RHBDD1: variants seen among roughly 807,000 people sequenced by gnomAD.
RHBDD1 encodes rhomboid domain containing 1, also known as rhomboid-related protein 4.
In RHBDD1, 38 loss-of-function variants were observed where a neutral mutation model predicts 36.3. The observed-to-expected ratio is 1.05, with a 90% CI of 0.81 to 1.37. RHBDD1 has a LOEUF of 1.37. Ranked by LOEUF, RHBDD1 falls within the 40% of genes most tolerant of loss-of-function variation. RHBDD1 has a pLI of 0.00. For synonymous variants in RHBDD1, 151 were observed against 136.5 expected, an observed-to-expected ratio of 1.11 and a Z score of -0.74; for missense variants, 393 against 377.6, an observed-to-expected ratio of 1.04 and a Z score of -0.34.
intron 5 of RHBDD1, among the ~76,000 whole-genome samples, chr2:226,881,080 G>A (rs1391183033): frequency 6.6e-6 from 1 of 152,160 alleles, no homozygotes; most frequent in Non-Finnish European, 1.5e-5. Flanking sequence ...GAAGGTGAAG[G>A]GGAAGCAAGG....
intron 5 of RHBDD1, among the ~76,000 whole-genome samples, chr2:226,899,388 A>G (rs1220294690): frequency 1.3e-5 from 2 of 151,858 alleles, no homozygotes; most frequent in African/African-American, 4.9e-5. Flanking sequence ...TTCATATTTT[A>G]TTAAAATTTT....
At chr2:226,902,629 G>A (rs1947690617) in intron 5 of RHBDD1, among the ~76,000 whole-genome samples, 1 of 152,150 alleles carries the variant, frequency 6.6e-6, no homozygotes, top group Admixed American at 6.5e-5. Context: ...GATGTTGAGA[G>A]ATTCTCAGTT....
intron 5 of RHBDD1, among the ~76,000 whole-genome samples, chr2:226,899,469 A>C (rs1320886751): frequency 1.3e-5 from 2 of 152,186 alleles, no homozygotes; most frequent in African/African-American, 4.8e-5. Context: ...CTAGAGGTCC[A>C]CTGGACAAAA....
At chr2:226,810,260 C>T in the RHBDD1 span, among the ~76,000 whole-genome samples, 11 of 152,024 alleles carry the variant, frequency 7.2e-5, no homozygotes, top group East Asian at 3.9e-4. Context: ...TGAGTATTGA[C>T]GGGGCATGGT....
chr2:226,995,473 C>T lies in RHBDD1; in HGVS notation c.899C>T (p.Ser300Leu). 6.2e-7 allele frequency: 1 copy of T among 1,613,306 alleles called. No individual in the cohort carries two copies. The highest frequency in any genetic ancestry group is 1.6e-4 in the Middle Eastern group (1 of 6,062). ...CCACCACCCTACGGGTTTCATCTCTCACCAGAAGAAATGAGGAGACAGCGG... is the reference window on the plus strand; with the variant it reads ...CCACCACCCTACGGGTTTCATCTCTTACCAGAAGAAATGAGGAGACAGCGG... ...NSPPPYGFHL[S>L]PEEMRRQRLH... is the part of the protein sequence containing the mutation. The change falls in exon 9 of 9, where the codon TCA (serine) becomes TTA (leucine). Residue 300 changes from serine to leucine, a missense_variant. Transcript: ENST00000392062.
At chr2:226,948,564 T>TAAAAAAAAAAAAAAAAAAAAAAAGAAAA (rs56325989) in intron 8 of RHBDD1, among the ~76,000 whole-genome samples, 5 of 23,504 alleles carry the variant, frequency 2.1e-4, no homozygotes, top group East Asian at 1.0e-3. Flanking sequence ...ACTTAAAGTA[T>TAAAAAAAAAAAAAAAAAAAAAAAGAAAA]AAAAAAAAAA....
chr2:226,918,482 A>G (rs911853336), intron 8 of RHBDD1, among the ~76,000 whole-genome samples: 1 of 151,828 alleles, frequency 6.6e-6, no homozygotes, highest in South Asian at 2.1e-4. Context: ...CCACCCCAGC[A>G]TCTGGTAACC....
chr2:226,844,086 C>G (rs1000262076), intron 3 of RHBDD1, among the ~76,000 whole-genome samples: 1 of 152,148 alleles, frequency 6.6e-6, no homozygotes, highest in African/African-American at 2.4e-5. Flanking sequence ...TAAGTGAGCT[C>G]TTGAGGTTTG....
At chr2:226,939,729 T>G (rs1353117215) in intron 8 of RHBDD1, among the ~76,000 whole-genome samples, 1 of 152,228 alleles carries the variant, frequency 6.6e-6, no homozygotes, top group Non-Finnish European at 1.5e-5. Context: ...CCCATTAAAC[T>G]ACCATTGACA....
intron 5 of RHBDD1, among the ~76,000 whole-genome samples, chr2:226,884,092 C>T (rs960101991): frequency 6.6e-6 from 1 of 152,150 alleles, no homozygotes; most frequent in Non-Finnish European, 1.5e-5. Flanking sequence ...GATGATAAAT[C>T]ACATCTCTGG....
rs539672590 is a variant in RHBDD1, at chr2:226,920,541, A to G, written c.856+6190A>G. On this transcript the variant is annotated intron_variant, in intron 8 of 8. Coordinates refer to ENST00000392062, the MANE Select transcript of RHBDD1 (RefSeq NM_001167608.3). The stretch of plus-strand genomic sequence containing the variant: ...TGTGGGTCTGTCATATGTGACTTTT[A>G]TTGTGTTGAGGTGTATTCCTTCTAT... Among the ~76,000 whole-genome samples, 47 of 151,970 alleles carry G rather than the reference A, an allele frequency of 3.1e-4. No individual in the cohort carries two copies. The Middle Eastern group carries it at 0.01, about 33-fold the overall frequency.
At chr2:226,885,882 C>T (rs989006817) in intron 5 of RHBDD1, among the ~76,000 whole-genome samples, 3 of 151,970 alleles carry the variant, frequency 2.0e-5, no homozygotes, top group African/African-American at 7.3e-5. Context: ...TTTTTCAATC[C>T]GATAACCGAG....
chr2:226,803,420 G>A, the RHBDD1 span, among the ~76,000 whole-genome samples: 1 of 152,004 alleles, frequency 6.6e-6, no homozygotes, highest in Admixed American at 6.6e-5. Flanking sequence ...CAGAAGAGAG[G>A]AGCCTTAAGC....
At chr2:226,877,324 T>G (rs1488328522) in intron 5 of RHBDD1, among the ~76,000 whole-genome samples, 5 of 152,238 alleles carry the variant, frequency 3.3e-5, no homozygotes, top group Non-Finnish European at 7.3e-5. Flanking sequence ...TTGTAAATAT[T>G]GACTTAATTA....
At chr2:226,928,732 A>G (rs1949827260) in intron 8 of RHBDD1, among the ~76,000 whole-genome samples, 1 of 152,044 alleles carries the variant, frequency 6.6e-6, no homozygotes, top group Non-Finnish European at 1.5e-5. Flanking sequence ...CTTTGAAAAG[A>G]TAAACAAAAT....
At chr2:226,912,193 G>T (rs1244315969) in intron 7 of RHBDD1, among the ~76,000 whole-genome samples, 1 of 152,214 alleles carries the variant, frequency 6.6e-6, no homozygotes, top group Admixed American at 6.5e-5. Flanking sequence ...TGAATAAAAA[G>T]GCAAATAATA....
At chr2:226,927,824 G>A (rs10188570) in intron 8 of RHBDD1, among the ~76,000 whole-genome samples, 47,791 of 151,762 alleles carry the variant, frequency 0.31, 8,959 homozygotes, top group South Asian at 0.47. Context: ...TTTGAGTTTA[G>A]GGAATTCTTT....
intron 5 of RHBDD1, among the ~76,000 whole-genome samples, chr2:226,875,819 C>G (rs1287024586): frequency 2.0e-5 from 3 of 152,128 alleles, no homozygotes; most frequent in African/African-American, 7.2e-5. Context: ...GTTCTTTTGA[C>G]CACTAGTTCC....
At chr2:226,854,581 A>G (rs1234687968) in intron 3 of RHBDD1, among the ~76,000 whole-genome samples, 1 of 145,298 alleles carries the variant, frequency 6.9e-6, no homozygotes, top group East Asian at 2.0e-4. Flanking sequence ...AGCCTGGGTG[A>G]CAGAGCCAGA....
Sources: allele counts gnomAD v4.1 joint callset (sites outside exome capture counted in the v4.1 genomes callset), GRCh38; gene constraint gnomAD v4.1.1; transcripts MANE v1.5; gene names NCBI Gene and HGNC (gene_info 2026-07-23, HGNC 2026-07-21).